The following EYS variants were observed in gnomAD, a reference collection of about 807,000 sequenced individuals.
The protein encoded by EYS is EGF-like photoreceptor maintenance factor, also known as protein eyes shut homolog.
A neutral mutation model predicts 282.1 loss-of-function variants in EYS; 250 were observed. The ratio of observed to expected loss-of-function variants is 0.89; its 90% CI spans 0.80 to 0.98. The LOEUF is 0.98. EYS is among the 50% of genes least tolerant of loss of function. The pLI is 0.00. For missense variants in EYS, 4,016 were observed against 3,709.0 expected (o/e 1.08, Z -2.15); for synonymous variants, 1,355 against 1,282.9 (o/e 1.06, Z -1.20).
chr6:63,890,157 T>C (rs1773371334), intron 35 of EYS, among the ~76,000 whole-genome samples: 1 of 152,116 alleles, frequency 6.6e-6, no homozygotes, highest in South Asian at 2.1e-4. Context: ...TCCCACACAA[T>C]AATAGCCCAC....
At chr6:63,947,018 C>T (rs1440104674) in intron 35 of EYS, among the ~76,000 whole-genome samples, 8 of 151,656 alleles carry the variant, frequency 5.3e-5, no homozygotes, top group Non-Finnish European at 1.2e-4. Context: ...TGGTGGAATA[C>T]CAAATATGCC....
intron 11 of EYS, among the ~76,000 whole-genome samples, chr6:65,319,934 G>C (rs1291768452): frequency 6.8e-6 from 1 of 147,478 alleles, no homozygotes; most frequent in African/African-American, 2.6e-5. Flanking sequence ...AATTTTTCAA[G>C]AAAAATTTTC....
chr6:64,670,503 A>C (rs1769417288), intron 22 of EYS, among the ~76,000 whole-genome samples: 1 of 152,046 alleles, frequency 6.6e-6, no homozygotes, highest in Non-Finnish European at 1.5e-5. Context: ...GTTACGTTTG[A>C]CCTTTGCTTT....
rs11309731 is a variant in EYS at position 64,628,246 on chromosome 6, GTT to G, written c.3444-2003_3444-2002del. On this transcript the variant is annotated intron_variant, in intron 22 of 42. Coordinates refer to ENST00000503581, the MANE Select transcript of EYS (RefSeq NM_001142800.2). Reference sequence around the variant, plus strand: ...GTAGCAAAAAGAAACCCATAGCAGTGTTTTTTTTTTTTTTGAGAGGAATTCAT... The same window carrying G: ...GTAGCAAAAAGAAACCCATAGCAGTGTTTTTTTTTTTTGAGAGGAATTCAT... 6.4e-3 allele frequency among the ~76,000 whole-genome samples: 910 copies of G among 142,130 alleles called. 4 individuals carry two copies. Among genetic ancestry groups the G allele is most frequent in the Middle Eastern group, 0.011 (3 of 270 alleles). The allele number at this position is 142,130 out of a possible 152,430, so 93.2% of individuals were successfully genotyped here.
intron 12 of EYS, among the ~76,000 whole-genome samples, chr6:65,274,706 A>G (rs560024759): frequency 2.4e-4 from 37 of 152,278 alleles, no homozygotes; most frequent in African/African-American, 8.7e-4. Flanking sequence ...ACATTATGTT[A>G]ATTAGACCAA....
At chr6:63,855,642 G>A (rs1049969461) in intron 36 of EYS, among the ~76,000 whole-genome samples, 3 of 152,136 alleles carry the variant, frequency 2.0e-5, no homozygotes, top group African/African-American at 7.2e-5. Flanking sequence ...GATGATGGCC[G>A]AGGCAGATAG....
intron 12 of EYS, among the ~76,000 whole-genome samples, chr6:65,131,195 T>C (rs1775864811): frequency 6.6e-6 from 1 of 151,920 alleles, no homozygotes; most frequent in South Asian, 2.1e-4. Context: ...GAGAACAAAG[T>C]AGTCATTTCC....
Position 65,453,982 on chromosome 6 carries a change from A to G in EYS, c.862+36612T>C, listed in dbSNP as rs540063359. On this transcript the variant is annotated intron_variant, in intron 5 of 42. Transcript: ENST00000503581. ...CTTGGAAATTATAAATTGTGCTGTA[A>G]TAAGTATGAAAGTGCAGATATCTCT... Among the ~76,000 whole-genome samples the G allele has an allele frequency of 7.2e-5, 11 of 151,920 alleles. 1 individual carries two copies. Among genetic ancestry groups the G allele is most frequent in the African/African-American group, 2.7e-4 (11 of 41,480 alleles).
intron 11 of EYS, chr6:65,330,603 C>T (rs905173637): frequency 1.0e-6 from 1 of 960,830 alleles, no homozygotes; most frequent in Non-Finnish European, 1.2e-6. Flanking sequence ...TAATCTGCAC[C>T]CATTTAAAAT....
intron 2 of EYS, among the ~76,000 whole-genome samples, chr6:65,567,796 A>G (rs1764328544): frequency 6.6e-6 from 1 of 152,100 alleles, no homozygotes; most frequent in East Asian, 1.9e-4. Flanking sequence ...ATATTATTCA[A>G]ATACTGTCTT....
chr6:64,264,371 A>G (rs1376437647), intron 30 of EYS, among the ~76,000 whole-genome samples: 3 of 152,066 alleles, frequency 2.0e-5, no homozygotes, highest in Admixed American at 1.3e-4. Context: ...TGGGATCCAA[A>G]TGATCTAACT....
chr6:65,463,198 C>T lies in EYS; in HGVS notation c.862+27396G>A, dbSNP rs565525134. 6.6e-5 allele frequency among the ~76,000 whole-genome samples: 10 copies of T among 152,202 alleles called. No homozygotes were observed. The East Asian group carries it at 1.4e-3, about 21-fold the overall frequency. The stretch of plus-strand genomic sequence containing the variant: ...GAGGTTCTGACTCTTACTTGCTTAT[C>T]TGACATAATTCTCTGTTATTACCAC... On this transcript the variant is annotated intron_variant, in intron 5 of 42. Transcript: ENST00000503581.
At chr6:65,468,521 A>AG (rs1765090783) in intron 5 of EYS, among the ~76,000 whole-genome samples, 1 of 152,042 alleles carries the variant, frequency 6.6e-6, no homozygotes, top group African/African-American at 2.4e-5. Flanking sequence ...TTAGTTAGTT[A>AG]TTTAGTTATT....
chr6:64,045,781 C>T (rs573740900), intron 33 of EYS, among the ~76,000 whole-genome samples: 117 of 150,438 alleles, frequency 7.8e-4, no homozygotes, highest in African/African-American at 2.7e-3. Context: ...AAATATTATG[C>T]AATATGTAAT....
At chr6:63,857,089 G>A (rs1772412883) in intron 36 of EYS, among the ~76,000 whole-genome samples, 1 of 152,116 alleles carries the variant, frequency 6.6e-6, no homozygotes, top group Admixed American at 6.5e-5. Flanking sequence ...GGCTAGTATG[G>A]TGGTTTTATA....
chr6:65,460,500 T>G (rs1363641911), intron 5 of EYS, among the ~76,000 whole-genome samples: 1 of 152,042 alleles, frequency 6.6e-6, no homozygotes, highest in East Asian at 1.9e-4. Flanking sequence ...TCATCAGACC[T>G]GATAATTTGG....
chr6:64,465,140 T>C (rs1460804979), intron 26 of EYS, among the ~76,000 whole-genome samples: 1 of 152,118 alleles, frequency 6.6e-6, no homozygotes, highest in African/African-American at 2.4e-5. Flanking sequence ...CGATATCCTT[T>C]GTTCATATGT....
chr6:64,407,039 G>C (rs1297481973), intron 28 of EYS, among the ~76,000 whole-genome samples: 1 of 152,118 alleles, frequency 6.6e-6, no homozygotes, highest in African/African-American at 2.4e-5. Context: ...CAAACACTTG[G>C]AACCAACCCA....
At chr6:64,171,968 T>C (rs1764492921) in intron 31 of EYS, among the ~76,000 whole-genome samples, 1 of 152,136 alleles carries the variant, frequency 6.6e-6, no homozygotes, top group Non-Finnish European at 1.5e-5. Flanking sequence ...GCAGGAGGAC[T>C]GAAATGTGCT....
Sources: gnomAD v4.1 joint callset for allele counts (sites outside exome capture counted in the v4.1 genomes callset) on GRCh38, gnomAD v4.1.1 for gene constraint, MANE v1.5 for transcripts, NCBI Gene and HGNC (gene_info 2026-07-23, HGNC 2026-07-21) for gene names.